NOL9: variants seen among roughly 807,000 people sequenced by gnomAD.
The protein encoded by NOL9 is polynucleotide 5'-hydroxyl-kinase NOL9.
Under a neutral mutation model 67.9 loss-of-function variants are expected in NOL9, and 28 were observed. The ratio of observed to expected loss-of-function variants is 0.41; its 90% confidence interval spans 0.31 to 0.57. The LOEUF (loss-of-function observed/expected upper bound fraction) is 0.57, where lower values mean the gene tolerates loss of function less well. NOL9 is among the 20% of genes least tolerant of loss of function. The pLI, the probability that NOL9 is intolerant of heterozygous loss-of-function variation, is 0.25. For missense variants in NOL9, 777 were observed against 897.0 expected, an observed-to-expected ratio of 0.87 and a Z score of 1.71; for synonymous variants, 356 against 352.2, an observed-to-expected ratio of 1.01 and a Z score of -0.12.
intron 6 of NOL9, among the ~76,000 whole-genome samples, chr1:6,537,350 G>A (rs908855176): frequency 5.3e-5 from 8 of 152,038 alleles, no homozygotes; most frequent in East Asian, 1.9e-4. Flanking sequence ...ATATGACCCC[G>A]AAAACAAAGG....
chr1:6,545,579 A>C (rs1639402611), intron 3 of NOL9, among the ~76,000 whole-genome samples: 1 of 152,186 alleles, frequency 6.6e-6, no homozygotes. Flanking sequence ...AGTTGAAAGG[A>C]GGGAGAAGAC....
At chr1:6,534,474 G>T (rs1235171531) in intron 6 of NOL9, among the ~76,000 whole-genome samples, 1 of 152,162 alleles carries the variant, frequency 6.6e-6, no homozygotes. Context: ...GCCTGGGTCA[G>T]TGTGATTGCA....
intron 6 of NOL9, among the ~76,000 whole-genome samples, chr1:6,536,951 G>A (rs1389488143): frequency 6.6e-6 from 1 of 152,002 alleles, no homozygotes; most frequent in Non-Finnish European, 1.5e-5. Context: ...AGGCTGCGGT[G>A]AGCTATGATT....
chr1:6,525,889 A>C lies in NOL9; in HGVS notation c.2074T>G (p.Tyr692Asp). The change falls in exon 12 of 12, where the codon TAC (tyrosine) becomes GAC (aspartate). Residue 692 changes from tyrosine to aspartate, a missense_variant. Coordinates refer to ENST00000377705, the MANE Select transcript of NOL9 (RefSeq NM_024654.5). ...TTTCGACAGAACTTAGGTCTTCGGTATGGTTTCTCTTTATGTGCCTCCTCA... is the reference window on the plus strand; with the variant it reads ...TTTCGACAGAACTTAGGTCTTCGGTCTGGTTTCTCTTTATGTGCCTCCTCA... The part of the protein sequence containing the change: ...EPEEAHKEKP[Y>D]RRPKFCRKMK 6.2e-7 allele frequency: 1 copy of C among 1,614,112 alleles called. No homozygotes were observed. The highest frequency in any genetic ancestry group is 8.5e-7 in the Non-Finnish European group (1 of 1,180,014).
chr1:6,532,344 C>T (rs1639047891), intron 8 of NOL9, 119 bp downstream of exon 8: 2 of 960,134 alleles, frequency 2.1e-6, no homozygotes, highest in East Asian at 4.9e-5. Context: ...TTTGTGCATG[C>T]ACAGCTGTGA....
intron 6 of NOL9, among the ~76,000 whole-genome samples, 180 bp from the exon 7 acceptor site, chr1:6,533,621 T>C (rs146282251): frequency 1.3e-5 from 2 of 152,364 alleles, no homozygotes; most frequent in Non-Finnish European, 2.9e-5. Flanking sequence ...GCTTTCAACT[T>C]AACACAAAGA....
intron 10 of NOL9, among the ~76,000 whole-genome samples, chr1:6,527,679 A>ATC: frequency 6.6e-6 from 1 of 152,010 alleles, no homozygotes; most frequent in African/African-American, 2.4e-5. Context: ...AATGCCTGTA[A>ATC]TCTCAGCACT....
chr1:6,532,540 C>T lies in NOL9; in HGVS notation c.1458G>A (p.Glu486=). 6.2e-7 allele frequency: 1 copy of T among 1,614,230 alleles called. No homozygotes were observed. Among genetic ancestry groups the T allele is most frequent in the Non-Finnish European group, 8.5e-7 (1 of 1,180,042 alleles). ...DALEFADEEK[E]SPVEFTGHKL... is the part of the protein sequence containing the mutation. ...TATGTCCAGTGAACTCAACTGGACT[C>T]TCTTTTTCTTCATCAGCAAATTCCA... The change falls in exon 8 of 12, where the codon GAG becomes GAA. Residue 486 remains glutamate (E), a synonymous_variant. Transcript: ENST00000377705.
chr1:6,547,050 T>C (rs2148660880), intron 3 of NOL9, among the ~76,000 whole-genome samples: 1 of 152,286 alleles, frequency 6.6e-6, no homozygotes, highest in South Asian at 2.1e-4. Flanking sequence ...ACACTGGGTT[T>C]TCCACCAAAA....
rs374096566 is a variant in NOL9 at position 6,550,478 on chromosome 1, T to C, written c.534A>G (p.Ala178=). 1 of 1,614,068 alleles carries C rather than the reference T, an allele frequency of 6.2e-7. No individual in the cohort carries two copies. The highest frequency in any genetic ancestry group is 8.5e-7 in the Non-Finnish European group (1 of 1,180,024). ...TTTTCTCAGGCTGTGAGTAGTGAAG[T>C]GCATGGATACTCAAGCAAGAGTGGG... is the stretch of plus-strand genomic sequence containing the variant. ...VYTHSCLSIH[A]LHYSQPEKSK... Residue 178 remains alanine, a synonymous_variant, in exon 2 of 12, where the codon GCA becomes GCG. Transcript: ENST00000377705.
Position 6,549,416 on chromosome 1 carries a change from T to C in NOL9, c.744+155A>G. 5.2e-6 allele frequency: 4 copies of C among 775,184 alleles called. No individual in the cohort carries two copies. The South Asian group carries it at 9.5e-5, about 18-fold the overall frequency. 48.0% of individuals were successfully genotyped at this position (775,184 alleles called of 1,614,324 possible). On this transcript the variant is annotated intron_variant, in intron 3 of 11. Transcript: ENST00000377705. ...ATGAACATTTTTCACGATACACCTTTCTATAATAGTTTCCGTATACACGTA... is the reference window on the plus strand; with the variant it reads ...ATGAACATTTTTCACGATACACCTTCCTATAATAGTTTCCGTATACACGTA...
chr1:6,534,690 C>T (rs1639108722), intron 6 of NOL9, among the ~76,000 whole-genome samples: 1 of 152,168 alleles, frequency 6.6e-6, no homozygotes, highest in Non-Finnish European at 1.5e-5. Flanking sequence ...CACCAGAGAA[C>T]CAACTTACAA....
intron 2 of NOL9, 71 bp from the exon 3 acceptor site, chr1:6,549,769 T>C (rs80082089): frequency 0.011 from 16,520 of 1,570,202 alleles, 149 homozygotes; most frequent in Middle Eastern, 0.05. Flanking sequence ...AGGACTGCCA[T>C]CTCCTCGGCT....
intron 6 of NOL9, 34 bp downstream of exon 6, chr1:6,541,796 A>G: frequency 7.4e-7 from 1 of 1,350,266 alleles, no homozygotes; most frequent in Admixed American, 2.2e-5. Flanking sequence ...GAATTTCATA[A>G]AACCAAGACA....
Position 6,532,573 on chromosome 1 carries a change from T to C in NOL9, c.1425A>G (p.Ala475=). ...CTTCATCAGCAAATTCCAAAGCATC[T>C]GCAAATGCTGCGAGTCTGAAACGTC... ...RNRRFRLAAF[A]DALEFADEEK... is the part of the protein sequence containing the mutation. Residue 475 remains alanine (A), a synonymous_variant, in exon 8 of 12, where the codon GCA becomes GCG. Coordinates refer to ENST00000377705, the MANE Select transcript of NOL9 (RefSeq NM_024654.5). 1 of 1,614,256 alleles carries C rather than the reference T, an allele frequency of 6.2e-7. No homozygotes were observed. The highest frequency in any genetic ancestry group is 1.3e-5 in the African/African-American group (1 of 75,076).
In NOL9 at chr1:6,532,739, A is replaced by G. The variant is rs139098299; in HGVS notation, c.1259T>C (p.Ile420Thr). The change falls in exon 8 of 12, where the codon ATT becomes ACT. Residue 420 changes from isoleucine to threonine, a missense_variant. Physicochemically the swap from Ile to Thr is moderately conservative, Grantham distance 89. Transcript: ENST00000377705. ...GGGAGACAGCAATCGGATCAGATCA[A>G]TGAGAAGCAGGAGCCCCTGGTCTGT... is the stretch of plus-strand genomic sequence containing the variant. ...WVSDQGLLLLIDLIRLLSPSH... is the reference protein window; with the variant it reads ...WVSDQGLLLLTDLIRLLSPSH... 2.4e-5 allele frequency: 38 copies of G among 1,612,730 alleles called. No individual in the cohort carries two copies. The highest frequency in any genetic ancestry group is 2.9e-5 in the Non-Finnish European group (34 of 1,178,918).
At chr1:6,546,473 C>G (rs1164722138) in intron 3 of NOL9, among the ~76,000 whole-genome samples, 1 of 152,202 alleles carries the variant, frequency 6.6e-6, no homozygotes, top group Admixed American at 6.6e-5. Context: ...ACACCCACCT[C>G]GTATCTATCT....
At chr1:6,542,370 A>G (rs1193749555) in intron 5 of NOL9, among the ~76,000 whole-genome samples, 1 of 151,108 alleles carries the variant, frequency 6.6e-6, no homozygotes, top group Non-Finnish European at 1.5e-5. Context: ...CATGTTAGCC[A>G]GGATGGTCTC....
intron 10 of NOL9, among the ~76,000 whole-genome samples, chr1:6,527,056 G>A (rs1051208886): frequency 2.0e-5 from 3 of 151,936 alleles, no homozygotes; most frequent in Non-Finnish European, 4.4e-5. Context: ...GACCAGCTTG[G>A]GCAACACAGT....
Sources: allele counts gnomAD v4.1 joint callset (sites outside exome capture counted in the v4.1 genomes callset), GRCh38; gene constraint gnomAD v4.1.1; transcripts MANE v1.5; gene names NCBI Gene and HGNC (gene_info 2026-07-23, HGNC 2026-07-21).